The following COG2 variants were observed in gnomAD, a reference collection of about 807,000 sequenced individuals.
COG2 encodes conserved oligomeric Golgi complex subunit 2.
Under a neutral mutation model 90.6 loss-of-function variants are expected in COG2, and 52 were observed. The observed-to-expected ratio is 0.57, with a 90% CI of 0.46 to 0.72. The LOEUF (loss-of-function observed/expected upper bound fraction) is 0.72. COG2 is among the 30% of genes least tolerant of loss of function. The pLI is 0.00. For missense variants in COG2, 829 were observed against 891.2 expected (o/e 0.93, Z 0.89); for synonymous variants, 337 against 320.4 (o/e 1.05, Z -0.55).
intron 1 of COG2, among the ~76,000 whole-genome samples, chr1:230,657,408 G>A (rs1171043832): frequency 1.3e-5 from 2 of 152,142 alleles, no homozygotes; most frequent in Non-Finnish European, 2.9e-5. Context: ...GTCTCTTCTG[G>A]CTTGTAGGGT....
chr1:230,659,730 C>T, intron 2 of COG2, 105 bp downstream of exon 2: 1 of 1,156,188 alleles, frequency 8.6e-7, no homozygotes, highest in Non-Finnish European at 1.2e-6. Context: ...TAGTTGATGT[C>T]CTCACAGAAA....
chr1:230,663,855 G>A (rs959967086), intron 4 of COG2, among the ~76,000 whole-genome samples: 3 of 152,084 alleles, frequency 2.0e-5, no homozygotes, highest in African/African-American at 4.8e-5. Flanking sequence ...AGGACCTTAC[G>A]AACATAAATG....
intron 7 of COG2, chr1:230,670,902 T>G (rs770828185): frequency 6.6e-6 from 1 of 151,716 alleles, no homozygotes; most frequent in Non-Finnish European, 1.5e-5. Flanking sequence ...CGTGATCCAC[T>G]GCGCCCAACC....
At chr1:230,662,891 A>G (rs1662217587) in intron 3 of COG2, among the ~76,000 whole-genome samples, 1 of 152,118 alleles carries the variant, frequency 6.6e-6, no homozygotes, top group African/African-American at 2.4e-5. Flanking sequence ...TACCCTGACC[A>G]CCTGTGATGC....
intron 10 of COG2, chr1:230,680,019 T>C (rs1662702023): frequency 6.6e-6 from 1 of 152,188 alleles, no homozygotes; most frequent in South Asian, 2.1e-4. Context: ...GCCCTTTCAC[T>C]TACAATACTG....
At chr1:230,688,682 C>A in intron 15 of COG2, 120 bp downstream of exon 15, 4 of 1,130,220 alleles carry the variant, frequency 3.5e-6, no homozygotes, top group Non-Finnish European at 5.1e-6. Flanking sequence ...CTGAGCTCAT[C>A]CCATTCTGAG....
intron 10 of COG2, 29 bp from the exon 11 acceptor site, chr1:230,683,545 A>G (rs1353322318): frequency 3.9e-6 from 6 of 1,538,754 alleles, no homozygotes; most frequent in African/African-American, 1.4e-5. Context: ...AGTCATAAAC[A>G]TTAATTCTTC....
At chr1:230,662,318 T>C (rs1662200557) in intron 3 of COG2, among the ~76,000 whole-genome samples, 1 of 152,248 alleles carries the variant, frequency 6.6e-6, no homozygotes, top group African/African-American at 2.4e-5. Context: ...TATTTCTATC[T>C]TGTTCACCAT....
At position 230,690,096 on chromosome 1, in the gene COG2, T is replaced by C; in HGVS notation, c.1877T>C (p.Leu626Pro). The change falls in exon 16 of 18, where the codon CTC becomes CCC. Residue 626 changes from leucine (L) to proline (P), a missense_variant. Coordinates refer to ENST00000366669, the MANE Select transcript of COG2 (RefSeq NM_007357.3). ...CTTCAGAGCGGACACAAGGATAAGC[T>C]CAAACAAGCAATAATTCAGCAGTGG... ...FQLQSGHKDK[L>P]KQAIIQQWLE... The C allele has an allele frequency of 6.2e-7, 1 of 1,613,654 alleles. No homozygotes were observed. The highest frequency in any genetic ancestry group is 8.5e-7 in the Non-Finnish European group (1 of 1,179,812).
Position 230,642,503 on chromosome 1 carries a change from C to CT in COG2, c.-103dup. 8.8e-7 allele frequency: 1 copy of CT among 1,132,574 alleles called. No individual in the cohort carries two copies. The highest frequency in any genetic ancestry group is 1.3e-6 in the Non-Finnish European group (1 of 778,346). 70.2% of individuals were successfully genotyped at this position (1,132,574 alleles called of 1,614,324 possible). A position where few individuals can be genotyped will look rare whatever the true frequency, so the allele number is the denominator to read the frequency against. On this transcript the variant is annotated 5_prime_UTR_variant, in exon 1 of 18. An upstream open reading frame in the 5' UTR loses its in-frame stop. Transcript: ENST00000366669. ...GCCATGTTGGCGGAAGCGGACCCCC[C>CT]TGTGCCGTGGAAACTGGCGGTGGCC... is the stretch of plus-strand genomic sequence containing the variant.
intron 10 of COG2, 94 bp downstream of exon 10, chr1:230,679,146 C>G (rs1662671578): frequency 1.7e-6 from 2 of 1,208,498 alleles, no homozygotes; most frequent in Admixed American, 2.3e-5. Context: ...GGCTCCTTTT[C>G]TCTGATCATC....
chr1:230,669,090 T>C (rs1336573723), intron 6 of COG2: 3 of 454,494 alleles, frequency 6.6e-6, no homozygotes, highest in Non-Finnish European at 1.2e-5. Context: ...CCATGATGTT[T>C]CCTCAAGATT....
At chr1:230,691,326 C>G (rs1409533651) in intron 16 of COG2, 58 bp from the exon 17 acceptor site, 2 of 1,445,454 alleles carry the variant, frequency 1.4e-6, no homozygotes, top group Admixed American at 5.0e-5. Context: ...GCCAGTTACT[C>G]TATTTGGTGT....
Position 230,685,074 on chromosome 1 carries a change from T to G in COG2, c.1229-11T>G, listed in dbSNP as rs754628151. 6.2e-7 allele frequency: 1 copy of G among 1,613,822 alleles called. No homozygotes were observed. The highest frequency in any genetic ancestry group is 1.1e-5 in the South Asian group (1 of 91,008). On this transcript the variant is annotated splice_polypyrimidine_tract_variant and intron_variant, in intron 11 of 17. Coordinates refer to ENST00000366669, the MANE Select transcript of COG2 (RefSeq NM_007357.3). Reference sequence around the variant, plus strand: ...TTCCTTAAATGTGTGTTGTTGTTGTTTTTTCTCTAGCTGAAAGTCCGTATT... The same window carrying G: ...TTCCTTAAATGTGTGTTGTTGTTGTGTTTTCTCTAGCTGAAAGTCCGTATT...
At chr1:230,642,807 C>CATTGCGAAGTGCAGCGAG in intron 1 of COG2, 129 bp downstream of exon 1, 1 of 801,020 alleles carries the variant, frequency 1.2e-6, no homozygotes. Context: ...GCCGAGACCT[C>CATTGCGAAGTGCAGCGAG]GCTGCACTTC....
At chr1:230,682,643 C>T (rs148556487) in intron 10 of COG2, 2 of 152,278 alleles carry the variant, frequency 1.3e-5, no homozygotes, top group East Asian at 3.9e-4. Context: ...CAGACAGTTG[C>T]CTTTAGCTCA....
At chr1:230,679,158 TA>T in intron 10 of COG2, 106 bp downstream of exon 10, 2 of 1,121,412 alleles carry the variant, frequency 1.8e-6, no homozygotes, top group South Asian at 3.7e-5. Flanking sequence ...CTGATCATCA[TA>T]ATAAGCTTTG....
At chr1:230,646,436 T>C (rs947277666) in intron 1 of COG2, among the ~76,000 whole-genome samples, 4 of 152,190 alleles carry the variant, frequency 2.6e-5, no homozygotes, top group African/African-American at 9.6e-5. Context: ...CTCTTTTGCA[T>C]AATCATTCTC....
intron 7 of COG2, chr1:230,670,957 T>A (rs1005548458): frequency 6.6e-6 from 1 of 151,722 alleles, no homozygotes; most frequent in East Asian, 1.9e-4. Context: ...TTCACGGAAC[T>A]GAATCTAGTG....
Sources: allele counts gnomAD v4.1 joint callset (sites outside exome capture counted in the v4.1 genomes callset), GRCh38; gene constraint gnomAD v4.1.1; transcripts MANE v1.5; gene names NCBI Gene and HGNC (gene_info 2026-07-23, HGNC 2026-07-21).